HMCN2: variants seen among roughly 807,000 people sequenced by gnomAD.
HMCN2 encodes hemicentin-2.
A neutral mutation model predicts 377.5 loss-of-function variants in HMCN2; 325 were observed. That is an observed-to-expected ratio of 0.86 (90% CI 0.79 to 0.94). HMCN2 has a LOEUF of 0.94. HMCN2 is among the 40% of genes least tolerant of loss of function. The probability of loss-of-function intolerance (pLI) is 0.00; values close to 1 mark genes in which losing one functional copy is unlikely to be tolerated. For synonymous variants in HMCN2, 2,007 were observed against 2,046.8 expected, an observed-to-expected ratio of 0.98 and a Z score of 0.53; for missense variants, 4,543 against 4,725.3, an observed-to-expected ratio of 0.96 and a Z score of 1.13.
At chr9:130,350,358 C>T (rs1390240974) in intron 29 of HMCN2, among the ~76,000 whole-genome samples, 10 of 140,116 alleles carry the variant, frequency 7.1e-5, no homozygotes, top group Non-Finnish European at 1.1e-4. Context: ...CACAGCGAGA[C>T]CCTGTCTCTG....
At chr9:130,425,241 G>A (rs1190773794) in intron 89 of HMCN2, 111 bp downstream of exon 89, 19 of 1,245,916 alleles carry the variant, frequency 1.5e-5, no homozygotes, top group Non-Finnish European at 1.8e-5. Context: ...TGACAGCGCT[G>A]CAGGGCTGGG....
At chr9:130,397,491 G>T (rs1179621045) in intron 73 of HMCN2, 37 bp from the exon 74 acceptor site, 1 of 1,288,094 alleles carries the variant, frequency 7.8e-7, no homozygotes, top group South Asian at 1.2e-5. Flanking sequence ...GACCCCACTG[G>T]CTTGCTCATC....
At chr9:130,399,396 G>A (rs914524766) in intron 75 of HMCN2, 115 bp from the exon 76 acceptor site, 1 of 1,130,164 alleles carries the variant, frequency 8.8e-7, no homozygotes, top group African/African-American at 1.6e-5. Flanking sequence ...TCTAGAGTCA[G>A]GGCTGGAGGT....
At chr9:130,284,084 A>G (rs539713866) in intron 1 of HMCN2, among the ~76,000 whole-genome samples, 1 of 152,336 alleles carries the variant, frequency 6.6e-6, no homozygotes, top group Non-Finnish European at 1.5e-5. Context: ...GAGTGCAGTC[A>G]ATCTTTGTCA....
At position 130,383,226 on chromosome 9, in the gene HMCN2, C is replaced by A. The variant is rs1169131253; in HGVS notation, c.8734-278C>A. On this transcript the variant is annotated intron_variant, in intron 56 of 97. Transcript: ENST00000683500. Reference sequence around the variant, plus strand: ...ATGTGCAGACACAGAGCTGCGGGGACCCTGGGAGCCCAACACACACAGCAC... The same window carrying A: ...ATGTGCAGACACAGAGCTGCGGGGAACCTGGGAGCCCAACACACACAGCAC... Among the ~76,000 whole-genome samples, 4 of 150,600 alleles carry A rather than the reference C, an allele frequency of 2.7e-5. No homozygotes were observed. In the East Asian group the frequency reaches 7.8e-4, roughly 29 times the overall value.
At chr9:130,406,262 G>A in intron 82 of HMCN2, 94 bp downstream of exon 82, 5 of 1,087,578 alleles carry the variant, frequency 4.6e-6, no homozygotes, top group Non-Finnish European at 6.2e-6. Context: ...TAGTGGAAAG[G>A]AAGAGGTTGT....
At position 130,304,561 on chromosome 9, in the gene HMCN2, A is replaced by C. The variant is rs550990072; in HGVS notation, c.1544-169A>C. 1.3e-5 allele frequency among the ~76,000 whole-genome samples: 2 copies of C among 152,166 alleles called. No homozygotes were observed. Among genetic ancestry groups the C allele is most frequent in the South Asian group, 4.1e-4 (2 of 4,836 alleles). ...TGACCTCCCACAGGGGTGATGCCTG[A>C]TGGTGAGCAGATGCTGGTCACCCTA... On this transcript the variant is annotated intron_variant, in intron 10 of 97. Transcript: ENST00000683500. This position sits in a 1 kb window ranked among gnomAD's most constrained non-coding sequence, Gnocchi z 4.3.
At chr9:130,378,799 G>A (rs2131625243) in intron 53 of HMCN2, among the ~76,000 whole-genome samples, 1 of 152,214 alleles carries the variant, frequency 6.6e-6, no homozygotes, top group South Asian at 2.1e-4. Context: ...TATGTTACCT[G>A]GGGACAACCT....
intron 29 of HMCN2, among the ~76,000 whole-genome samples, 191 bp downstream of exon 29, chr9:130,349,854 AC>A (rs1262617192): frequency 7.6e-6 from 1 of 132,050 alleles, no homozygotes; most frequent in Non-Finnish European, 1.6e-5. Context: ...CCCCACTCTT[AC>A]CTCAGCAAAG....
At chr9:130,430,141 G>T in intron 94 of HMCN2, 143 bp from the exon 95 acceptor site, 1 of 699,510 alleles carries the variant, frequency 1.4e-6, no homozygotes, top group Non-Finnish European at 2.3e-6. Context: ...GGGAGAGGGG[G>T]ATGCAGCGTG....
intron 65 of HMCN2, among the ~76,000 whole-genome samples, 171 bp downstream of exon 65, chr9:130,391,745 A>G (rs1842332858): frequency 6.6e-6 from 1 of 152,106 alleles, no homozygotes; most frequent in African/African-American, 2.4e-5. Flanking sequence ...GGTATAGCGG[A>G]GATTCGGGAG....
At position 130,407,496 on chromosome 9, in the gene HMCN2, C is replaced by A. The variant is rs1402024451; in HGVS notation, c.12554-75C>A. ...CTGTTTCTGCATTTTTATTAAGTTC[C>A]TGCAGGTACCCAGGCACCAGGGAAG... is the stretch of plus-strand genomic sequence containing the variant. On this transcript the variant is annotated intron_variant, in intron 82 of 97. Coordinates refer to ENST00000683500, the MANE Select transcript of HMCN2 (RefSeq NM_001291815.2). 2.5e-6 allele frequency: 3 copies of A among 1,224,142 alleles called. No homozygotes were observed. In the East Asian group the frequency reaches 1.8e-4, roughly 72 times the overall value. The allele number at this position is 1,224,142 out of a possible 1,614,324, so 75.8% of individuals were successfully genotyped here.
Position 130,402,804 on chromosome 9 carries a change from G to A in HMCN2, c.11786G>A (p.Gly3929Glu), listed in dbSNP as rs1352556527. 1 of 1,289,626 alleles carries A rather than the reference G, an allele frequency of 7.8e-7. No homozygotes were observed. The highest frequency in any genetic ancestry group is 5.5e-5 in the East Asian group (1 of 18,034). The allele number at this position is 1,289,626 out of a possible 1,614,324, so 79.9% of individuals were successfully genotyped here. A position where few individuals can be genotyped will look rare whatever the true frequency, so the allele number is the denominator to read the frequency against. Residue 3929 changes from glycine (G) to glutamate (E), a missense_variant, in exon 78 of 98, where the codon GGG becomes GAG. This residue lies in a region of HMCN2 where 1,073 missense variants were observed against 1,319.5 expected (regional missense o/e 0.81). Coordinates refer to ENST00000683500, the MANE Select transcript of HMCN2 (RefSeq NM_001291815.2). ...RVSPSGALEIGQALPIHAGRY... is the reference protein window; with the variant it reads ...RVSPSGALEIEQALPIHAGRY... ...CCACCAACAGGCGCCCTGGAGATCG[G>A]GCAGGCCCTCCCCATCCACGCAGGC...
intron 56 of HMCN2, among the ~76,000 whole-genome samples, chr9:130,383,084 A>G (rs1841814746): frequency 6.6e-6 from 1 of 152,196 alleles, no homozygotes; most frequent in Non-Finnish European, 1.5e-5. Context: ...AAGGATGCAC[A>G]TGGGTGCGGG....
chr9:130,346,177 G>A (rs1839382860), intron 25 of HMCN2, among the ~76,000 whole-genome samples: 1 of 152,128 alleles, frequency 6.6e-6, no homozygotes, highest in Non-Finnish European at 1.5e-5. Context: ...TCAGGGGGCA[G>A]GTGAGAGCTA....
rs1012297150 is a variant in HMCN2 at position 130,314,306 on chromosome 9, G to A, written c.2350+4245G>A. Among the ~76,000 whole-genome samples, 3 of 152,322 alleles carry A rather than the reference G, an allele frequency of 2.0e-5. No individual in the cohort carries two copies. The South Asian group carries it at 6.2e-4, about 32-fold the overall frequency. On this transcript the variant is annotated intron_variant, in intron 15 of 97. Transcript: ENST00000683500. ...GCGACTTCTCCATCAGGCATAGCAG[G>A]CACTGGCAGAAGGCCCTGCACTTGT... is the stretch of plus-strand genomic sequence containing the variant.
rs782202003 is a variant in HMCN2 at position 130,295,720 on chromosome 9, C to A, written c.839C>A (p.Ser280Ter). 2.1e-6 allele frequency: 1 copy of A among 470,952 alleles called. No individual in the cohort carries two copies. Among genetic ancestry groups the A allele is most frequent in the Non-Finnish European group, 4.4e-6 (1 of 227,024 alleles). The allele number at this position is 470,952 out of a possible 1,614,324, so 29.2% of individuals were successfully genotyped here. A position where few individuals can be genotyped will look rare whatever the true frequency, so the allele number is the denominator to read the frequency against. Reference protein sequence around the residue: ...GLNVLLNIPDSAKVVAFKPEH... With the variant: ...GLNVLLNIPD ...AACGTGCTTCTCAACATCCCTGACTCGGCCAAGGTCGTAGCCTTTAAGCCT... is the reference window on the plus strand; with the variant it reads ...AACGTGCTTCTCAACATCCCTGACTAGGCCAAGGTCGTAGCCTTTAAGCCT... Residue 280 changes from serine (S) to a stop codon, truncating the protein, a stop_gained, in exon 6 of 98, where the codon TCG becomes TAG. Transcript: ENST00000683500. LOFTEE classifies it high-confidence loss of function.
intron 7 of HMCN2, among the ~76,000 whole-genome samples, chr9:130,298,388 G>A (rs1326617949): frequency 3.3e-5 from 5 of 152,194 alleles, no homozygotes; most frequent in Non-Finnish European, 7.3e-5. Flanking sequence ...GCCAGGTATA[G>A]TGGTGCATAC....
chr9:130,383,163 C>T (rs1472563980), intron 56 of HMCN2, among the ~76,000 whole-genome samples: 1 of 152,162 alleles, frequency 6.6e-6, no homozygotes, highest in Non-Finnish European at 1.5e-5. Context: ...AGAGCCGTGC[C>T]CAGCACTCAG....
Sources: gnomAD v4.1 joint callset for allele counts (sites outside exome capture counted in the v4.1 genomes callset) on GRCh38, gnomAD v4.1.1 for gene constraint, gnomAD v4.1.1 regional missense constraint, Gnocchi (gnomAD v3.1) non-coding constraint, MANE v1.5 for transcripts, NCBI Gene and HGNC (gene_info 2026-07-23, HGNC 2026-07-21) for gene names.